Variants in DNAAF2 observed in about 807,000 individuals in gnomAD.
DNAAF2 encodes dynein axonemal assembly factor 2, also known as protein kintoun.
DNAAF2 carries 58 observed loss-of-function variants against 48.8 expected under a neutral mutation model. That is an observed-to-expected ratio of 1.19 (90% CI 0.96 to 1.48). DNAAF2 has a LOEUF of 1.48. Among genes scored for constraint, DNAAF2 ranks in the 40% most tolerant of loss-of-function variants. The pLI, the probability that DNAAF2 is intolerant of heterozygous loss-of-function variation, is 0.00. For missense variants in DNAAF2, 1,241 were observed against 1,116.1 expected (o/e 1.11, Z -1.59); for synonymous variants, 567 against 481.2 (o/e 1.18, Z -2.33).
At chr14:49,630,756 C>CACCCTT (rs1555327722) in intron 1 of DNAAF2, among the ~76,000 whole-genome samples, 1 of 138,860 alleles carries the variant, frequency 7.2e-6, no homozygotes, top group African/African-American at 2.6e-5. Flanking sequence ...CACACACACA[C>CACCCTT]TTTTTTTTTT....
rs1594609626 is a variant in DNAAF2, at chr14:49,634,754, C to T, written c.396G>A (p.Ala132=). ...CCATGTAGCGGCTGCTGCTGCGCCCCGCGTACTCGCGGCCGGGCGCCAGGC... is the reference window on the plus strand; with the variant it reads ...CCATGTAGCGGCTGCTGCTGCGCCCTGCGTACTCGCGGCCGGGCGCCAGGC... ...PYSLAPGREY[A]GRSSSRYMVY... Residue 132 remains alanine, a synonymous_variant, in exon 1 of 3, where the codon GCG becomes GCA. Transcript: ENST00000298292. The T allele has an allele frequency of 1.3e-6, 2 of 1,599,314 alleles. No homozygotes were observed. The highest frequency in any genetic ancestry group is 1.7e-4 in the Middle Eastern group (1 of 6,054).
chr14:49,633,937 C>A lies in DNAAF2; in HGVS notation c.1213G>T (p.Ala405Ser). The A allele has an allele frequency of 6.5e-7, 1 of 1,531,300 alleles. No homozygotes were observed. The highest frequency in any genetic ancestry group is 8.7e-7 in the Non-Finnish European group (1 of 1,144,972). 94.9% of individuals were successfully genotyped at this position (1,531,300 alleles called of 1,614,324 possible). Residue 405 changes from alanine (A) to serine (S), a missense_variant, in exon 1 of 3, where the codon GCT becomes TCT. Ala to Ser is a moderately conservative substitution (Grantham distance 99). Transcript: ENST00000298292. ...GTGACCCCGGAGCCCGCAGCCCCAGCCACGCAGGTATCGTGGCCTCCGTCC... is the reference window on the plus strand; with the variant it reads ...GTGACCCCGGAGCCCGCAGCCCCAGACACGCAGGTATCGTGGCCTCCGTCC... The part of the protein sequence containing the change: ...AEDGGHDTCV[A>S]GAAGSGVTTL...
Position 49,634,602 on chromosome 14 carries a change from C to T in DNAAF2, c.548G>A (p.Arg183Lys). 1 of 1,606,618 alleles carries T rather than the reference C, an allele frequency of 6.2e-7. No homozygotes were observed. Among genetic ancestry groups the T allele is most frequent in the Non-Finnish European group, 8.5e-7 (1 of 1,179,746 alleles). The change falls in exon 1 of 3, where the codon AGG (arginine) becomes AAG (lysine). Residue 183 changes from arginine to lysine, a missense_variant. Transcript: ENST00000298292. ...CTTGGCCTTCAGGGTCTTGGCATTC[C>T]TGCGGTCCAGCTTCACGCCGAACTG... Reference protein sequence around the residue: ...EKQFGVKLDRRNAKTLKAKYK... With the variant: ...EKQFGVKLDRKNAKTLKAKYK...
intron 2 of DNAAF2, 49 bp from the exon 3 acceptor site, chr14:49,626,097 A>C: frequency 7.4e-7 from 1 of 1,343,992 alleles, no homozygotes; most frequent in South Asian, 2.0e-5. Context: ...ATAATACAAA[A>C]TTAAATTGTA....
Position 49,634,534 on chromosome 14 carries a change from G to T in DNAAF2, c.616C>A (p.Pro206Thr), listed in dbSNP as rs781591271. ...PEAAVLRTPL[P>T]GVIPARPDGE... Reference sequence around the variant, plus strand: ...TCAGGCCTTGCGGGGATGACCCCGGGCAGGGGCGTGCGCAGCACCGCAGCC... The same window carrying T: ...TCAGGCCTTGCGGGGATGACCCCGGTCAGGGGCGTGCGCAGCACCGCAGCC... The change falls in exon 1 of 3, where the codon CCC becomes ACC. Residue 206 changes from proline to threonine, a missense_variant. Pro to Thr is a conservative substitution (Grantham distance 38, BLOSUM62 -1). Coordinates refer to ENST00000298292, the MANE Select transcript of DNAAF2 (RefSeq NM_018139.3). 1.4e-5 allele frequency: 22 copies of T among 1,602,100 alleles called. No individual in the cohort carries two copies. Among genetic ancestry groups the T allele is most frequent in the Non-Finnish European group, 1.9e-5 (22 of 1,179,578 alleles).
Position 49,634,874 on chromosome 14 carries a change from G to A in DNAAF2, c.276C>T (p.Val92=). ...LDGARRCFVN[V]CSNALVGAPS... ...GCGCGCCCACCAACGCGTTGCTGCA[G>A]ACATTCACAAAGCAGCGCCGCGCCC... The change falls in exon 1 of 3, where the codon GTC becomes GTT. Residue 92 remains valine, a synonymous_variant. Coordinates refer to ENST00000298292, the MANE Select transcript of DNAAF2 (RefSeq NM_018139.3). 1.3e-6 allele frequency: 2 copies of A among 1,548,884 alleles called. No individual in the cohort carries two copies. The highest frequency in any genetic ancestry group is 8.7e-7 in the Non-Finnish European group (1 of 1,146,294).
Position 49,633,593 on chromosome 14 carries a change from C to G in DNAAF2, c.1557G>C (p.Glu519Asp). 1 of 1,613,930 alleles carries G rather than the reference C, an allele frequency of 6.2e-7. No individual in the cohort carries two copies. The highest frequency in any genetic ancestry group is 8.5e-7 in the Non-Finnish European group (1 of 1,179,878). Reference sequence around the variant, plus strand: ...TACACAGTAACGGAGGACACAAAGGCTCCCCGCTCTTGGTCCCGGGACCAC... The same window carrying G: ...TACACAGTAACGGAGGACACAAAGGGTCCCCGCTCTTGGTCCCGGGACCAC... ...AMGGPGTKSG[E>D]PLCPPLLCNQ... The change falls in exon 1 of 3, where the codon GAG becomes GAC. Residue 519 changes from glutamate to aspartate, a missense_variant. Coordinates refer to ENST00000298292, the MANE Select transcript of DNAAF2 (RefSeq NM_018139.3).
chr14:49,632,418 TA>T (rs1344713711), intron 1 of DNAAF2, among the ~76,000 whole-genome samples: 2 of 151,436 alleles, frequency 1.3e-5, no homozygotes, highest in South Asian at 2.1e-4. Context: ...TCTCGTAAGT[TA>T]AAGCCCAAAG....
At chr14:49,626,799 C>CTTTTTTTTTTTT (rs34085502) in intron 2 of DNAAF2, among the ~76,000 whole-genome samples, 3 of 63,408 alleles carry the variant, frequency 4.7e-5, no homozygotes, top group Non-Finnish European at 5.4e-5. Flanking sequence ...TGCTGCCAGT[C>CTTTTTTTTTTTT]TTTTTTTTTT....
At chr14:49,627,622 G>A (rs970172830) in intron 2 of DNAAF2, among the ~76,000 whole-genome samples, 5 of 152,132 alleles carry the variant, frequency 3.3e-5, no homozygotes, top group East Asian at 1.9e-4. Flanking sequence ...TTGGGAGGCC[G>A]AGGCGGGTGG....
Position 49,634,996 on chromosome 14 carries a change from A to G in DNAAF2, c.154T>C (p.Tyr52His), listed in dbSNP as rs749085334. The G allele has an allele frequency of 1.8e-5, 28 of 1,565,292 alleles. No homozygotes were observed. Among genetic ancestry groups the G allele is most frequent in the Non-Finnish European group, 2.2e-5 (25 of 1,155,322 alleles). ...ELTDPENRRR[Y>H]EAEITALERE... is the part of the protein sequence containing the mutation. Reference sequence around the variant, plus strand: ...TCTAGCGCGGTGATCTCCGCCTCGTAGCGCCGCCGGTTCTCCGGGTCGGTG... The same window carrying G: ...TCTAGCGCGGTGATCTCCGCCTCGTGGCGCCGCCGGTTCTCCGGGTCGGTG... The change falls in exon 1 of 3, where the codon TAC becomes CAC. Residue 52 changes from tyrosine to histidine, a missense_variant. Transcript: ENST00000298292.
chr14:49,627,155 T>C (rs1470295667), intron 2 of DNAAF2, among the ~76,000 whole-genome samples: 2 of 152,196 alleles, frequency 1.3e-5, no homozygotes, highest in Non-Finnish European at 2.9e-5. Flanking sequence ...ATCCTGATTA[T>C]ATCCTTTCAC....
chr14:49,626,007 C>G lies in DNAAF2; in HGVS notation c.2049G>C (p.Glu683Asp), dbSNP rs757329899. The stretch of plus-strand genomic sequence containing the variant: ...GATGACTTTCTTCATTTACTCTTTC[C>G]TCCTTTCCTTGTAGCTGATCAGAGT... ...CSNSDQLQGK[E>D]ERVNEESHLT... Residue 683 changes from glutamate to aspartate, a missense_variant, in exon 3 of 3, where the codon GAG (glutamate) becomes GAC (aspartate). By Grantham distance (45) the Glu-to-Asp change is conservative. Transcript: ENST00000298292. The G allele has an allele frequency of 2.5e-6, 4 of 1,576,184 alleles. No homozygotes were observed. In the South Asian group the frequency reaches 4.8e-5, roughly 19 times the overall value.
Position 49,633,555 on chromosome 14 carries a change from T to C in DNAAF2, c.1595A>G (p.Glu532Gly), listed in dbSNP as rs143210369. The stretch of plus-strand genomic sequence containing the variant: ...CACCTGAATGAGCAGAGTCAAGGTT[T>C]CTTTGTCCTGATTACACAGTAACGG... ...CPPLLCNQDK[E>G]TLTLLIQVPR... Residue 532 changes from glutamate (E) to glycine (G), a missense_variant, in exon 1 of 3, where the codon GAA (glutamate) becomes GGA (glycine). Coordinates refer to ENST00000298292, the MANE Select transcript of DNAAF2 (RefSeq NM_018139.3). 1.1e-4 allele frequency: 182 copies of C among 1,614,034 alleles called. 1 individual carries two copies. In the African/African-American group the frequency reaches 1.6e-3, roughly 14 times the overall value.
chr14:49,634,708 G>A lies in DNAAF2; in HGVS notation c.442C>T (p.Pro148Ser). ...CGCCGGGCCAGCGCAAGCGCGTCTG[G>A]ATGGAAGACCACGTCGTAGACCATG... Reference protein sequence around the residue: ...RYMVYDVVFHPDALALARRHE... With the variant: ...RYMVYDVVFHSDALALARRHE... The change falls in exon 1 of 3, where the codon CCA becomes TCA. Residue 148 changes from proline to serine, a missense_variant. Coordinates refer to ENST00000298292, the MANE Select transcript of DNAAF2 (RefSeq NM_018139.3). The A allele has an allele frequency of 6.2e-7, 1 of 1,606,098 alleles. No individual in the cohort carries two copies. The highest frequency in any genetic ancestry group is 8.5e-7 in the Non-Finnish European group (1 of 1,179,626).
At chr14:49,631,503 T>C (rs1883163987) in intron 1 of DNAAF2, among the ~76,000 whole-genome samples, 1 of 152,138 alleles carries the variant, frequency 6.6e-6, no homozygotes, top group Non-Finnish European at 1.5e-5. Context: ...CAGGTGCCTG[T>C]AGGCCCAGCT....
rs748486341 is a variant in DNAAF2, at chr14:49,634,607, G to C, written c.543C>G (p.Asp181Glu). ...CCTTCAGGGTCTTGGCATTCCTGCG[G>C]TCCAGCTTCACGCCGAACTGCTTCT... is the stretch of plus-strand genomic sequence containing the variant. ...AVEKQFGVKLDRRNAKTLKAK... is the reference protein window; with the variant it reads ...AVEKQFGVKLERRNAKTLKAK... The change falls in exon 1 of 3, where the codon GAC becomes GAG. Residue 181 changes from aspartate (D) to glutamate (E), a missense_variant. Coordinates refer to ENST00000298292, the MANE Select transcript of DNAAF2 (RefSeq NM_018139.3). The C allele has an allele frequency of 5.0e-6, 8 of 1,606,542 alleles. No individual in the cohort carries two copies. The highest frequency in any genetic ancestry group is 6.8e-6 in the Non-Finnish European group (8 of 1,179,746).
chr14:49,625,525 T>C lies in DNAAF2; in HGVS notation c.*17A>G, dbSNP rs566758458. On this transcript the variant is annotated 3_prime_UTR_variant, in exon 3 of 3. Coordinates refer to ENST00000298292, the MANE Select transcript of DNAAF2 (RefSeq NM_018139.3). ...ATTTTTTAACCTTAATATTTAAAAG[T>C]CCAAAATTATATAGAATTAATCCAA... 1 of 1,475,176 alleles carries C rather than the reference T, an allele frequency of 6.8e-7. No individual in the cohort carries two copies. The highest frequency in any genetic ancestry group is 1.5e-5 in the South Asian group (1 of 66,592). The allele number at this position is 1,475,176 out of a possible 1,614,324, so 91.4% of individuals were successfully genotyped here.
rs779375480 is a variant in DNAAF2 at position 49,634,954 on chromosome 14, C to T, written c.196G>A (p.Glu66Lys). The T allele has an allele frequency of 6.4e-6, 10 of 1,558,910 alleles. No homozygotes were observed. The highest frequency in any genetic ancestry group is 1.9e-5 in the Admixed American group (1 of 52,254). Reference protein sequence around the residue: ...ITALERERGVEVRFVHPEPGH... With the variant: ...ITALERERGVKVRFVHPEPGH... ...GGCTCCGGGTGCACGAACCGCACTTCCACCCCGCGCTCACGCTCTAGCGCG... is the reference window on the plus strand; with the variant it reads ...GGCTCCGGGTGCACGAACCGCACTTTCACCCCGCGCTCACGCTCTAGCGCG... Residue 66 changes from glutamate (E) to lysine (K), a missense_variant, in exon 1 of 3, where the codon GAA becomes AAA. Physicochemically the swap from Glu to Lys is moderately conservative, Grantham distance 56. Coordinates refer to ENST00000298292, the MANE Select transcript of DNAAF2 (RefSeq NM_018139.3).
Sources: gnomAD v4.1 joint callset for allele counts (sites outside exome capture counted in the v4.1 genomes callset) on GRCh38, gnomAD v4.1.1 for gene constraint, MANE v1.5 for transcripts, NCBI Gene and HGNC (gene_info 2026-07-23, HGNC 2026-07-21) for gene names.